The following PLEKHB1 variants were observed in gnomAD, a reference collection of about 807,000 sequenced individuals.
PLEKHB1 encodes pleckstrin homology domain-containing family B member 1.
In PLEKHB1, 29 loss-of-function variants were observed where a neutral mutation model predicts 36.2. The observed-to-expected ratio is 0.80, with a 90% CI of 0.60 to 1.09. The LOEUF is 1.09. Among genes scored for constraint, PLEKHB1 ranks in the 50% least tolerant of loss-of-function variants. The pLI is 0.00. For synonymous variants in PLEKHB1, 138 were observed against 140.0 expected, an observed-to-expected ratio of 0.99 and a Z score of 0.10; for missense variants, 330 against 348.2, an observed-to-expected ratio of 0.95 and a Z score of 0.42.
chr11:73,661,359 G>A lies in PLEKHB1; in HGVS notation c.596-107G>A, dbSNP rs1945113359. 3.6e-5 allele frequency: 46 copies of A among 1,278,046 alleles called. 2 individuals are homozygous for A. In the Middle Eastern group the frequency reaches 2.4e-3, roughly 67 times the overall value. 79.2% of individuals were successfully genotyped at this position (1,278,046 alleles called of 1,614,324 possible). A position where few individuals can be genotyped will look rare whatever the true frequency, so the allele number is the denominator to read the frequency against. ...TCTTTGACTGGGGAGCAGGAGAGTG[G>A]GTTCGGCGCCTTACACTGGGTTGGG... is the stretch of plus-strand genomic sequence containing the variant. On this transcript the variant is annotated intron_variant, in intron 7 of 7. Coordinates refer to ENST00000354190, the MANE Select transcript of PLEKHB1 (RefSeq NM_021200.3). This position sits in a 1 kb window ranked among gnomAD's most constrained non-coding sequence, Gnocchi z 4.6.
intron 6 of PLEKHB1, among the ~76,000 whole-genome samples, chr11:73,659,651 A>C (rs1198150520): frequency 6.6e-6 from 1 of 152,130 alleles, no homozygotes; most frequent in African/African-American, 2.4e-5. Flanking sequence ...GGAAAAAAAA[A>C]ATTCTTCCTG....
At position 73,661,880 on chromosome 11, in the gene PLEKHB1, C is replaced by T. The variant is rs1945132616; in HGVS notation, c.*278C>T. ...TTTATGGATACATTTCCTCTAAACA[C>T]AACAGGGCACAGCAAATACGACTTC... On this transcript the variant is annotated 3_prime_UTR_variant, in exon 8 of 8. Coordinates refer to ENST00000354190, the MANE Select transcript of PLEKHB1 (RefSeq NM_021200.3). The surrounding 1 kb of genome is among the most constrained non-coding windows in gnomAD (Gnocchi z 4.6). 2 of 411,306 alleles carry T rather than the reference C, an allele frequency of 4.9e-6. No individual in the cohort carries two copies. Among genetic ancestry groups the T allele is most frequent in the East Asian group, 7.9e-5 (2 of 25,294 alleles). The allele number at this position is 411,306 out of a possible 1,614,324, so 25.5% of individuals were successfully genotyped here. A position where few individuals can be genotyped will look rare whatever the true frequency, so the allele number is the denominator to read the frequency against.
chr11:73,659,908 C>T (rs528891908), intron 6 of PLEKHB1, among the ~76,000 whole-genome samples: 39 of 152,228 alleles, frequency 2.6e-4, no homozygotes, highest in South Asian at 1.2e-3. Context: ...GCTCAATAAT[C>T]GTTACAGCCT....
chr11:73,651,353 C>CAAA (rs35147175), intron 3 of PLEKHB1: 68 of 360,172 alleles, frequency 1.9e-4, no homozygotes, highest in South Asian at 3.7e-4. Flanking sequence ...GACCCTGTCT[C>CAAA]AAAAAAAAAA....
At chr11:73,657,843 G>T (rs893206685) in intron 6 of PLEKHB1, among the ~76,000 whole-genome samples, 2 of 152,168 alleles carry the variant, frequency 1.3e-5, no homozygotes, top group African/African-American at 4.8e-5. Flanking sequence ...TGATGGGGAG[G>T]GAGCACCGTA....
chr11:73,648,100 A>T, intron 1 of PLEKHB1: 1 of 489,926 alleles, frequency 2.0e-6, no homozygotes, highest in African/African-American at 2.2e-5. Context: ...GAGGGAGTAG[A>T]ATGTGCGGTG....
intron 2 of PLEKHB1, among the ~76,000 whole-genome samples, chr11:73,649,476 C>T (rs949419271): frequency 6.6e-6 from 1 of 152,152 alleles, no homozygotes; most frequent in African/African-American, 2.4e-5. Context: ...CCCCAGTCTG[C>T]GAACTCCTCA....
rs776921144 is a variant in PLEKHB1, at chr11:73,653,014, G to A, written c.390G>A (p.Pro130=). ...KTALLEANST[P]APAGATVPPR... is the part of the protein sequence containing the mutation. ...CACTGCTGGAGGCAAACTCCACCCCGGTGAGTCTCCCGTTCTCTCCCCCTT... is the reference window on the plus strand; with the variant it reads ...CACTGCTGGAGGCAAACTCCACCCCAGTGAGTCTCCCGTTCTCTCCCCCTT... The change falls in exon 5 of 8, where the codon CCG becomes CCA. Residue 130 remains proline, a splice_region_variant and synonymous_variant. Coordinates refer to ENST00000354190, the MANE Select transcript of PLEKHB1 (RefSeq NM_021200.3). 8 of 1,608,870 alleles carry A rather than the reference G, an allele frequency of 5.0e-6. No homozygotes were observed. Among genetic ancestry groups the A allele is most frequent in the East Asian group, 4.5e-5 (2 of 44,704 alleles).
At chr11:73,654,237 G>T (rs554672398) in intron 5 of PLEKHB1, among the ~76,000 whole-genome samples, 3 of 152,166 alleles carry the variant, frequency 2.0e-5, no homozygotes, top group Admixed American at 6.5e-5. Flanking sequence ...TGGAAGTGGC[G>T]GTTTGAAGAG....
intron 5 of PLEKHB1, among the ~76,000 whole-genome samples, chr11:73,653,676 C>G (rs7924720): frequency 0.69 from 104,211 of 152,002 alleles, 36,343 homozygotes; most frequent in Middle Eastern, 0.78. Context: ...GTGTGGGGAT[C>G]GGGTAAAGGG....
intron 5 of PLEKHB1, among the ~76,000 whole-genome samples, chr11:73,653,726 T>G (rs1237027589): frequency 6.6e-6 from 1 of 152,040 alleles, no homozygotes; most frequent in Non-Finnish European, 1.5e-5. Flanking sequence ...GTGCCAAGGC[T>G]CTGAGAGAGG....
chr11:73,656,087 G>C (rs953669800), intron 6 of PLEKHB1, among the ~76,000 whole-genome samples, 180 bp downstream of exon 6: 1 of 152,104 alleles, frequency 6.6e-6, no homozygotes, highest in African/African-American at 2.4e-5. Context: ...TTTTCCCTCT[G>C]CCAGCCTTCG....
chr11:73,661,690 T>C lies in PLEKHB1; in HGVS notation c.*88T>C. On this transcript the variant is annotated 3_prime_UTR_variant, in exon 8 of 8. Coordinates refer to ENST00000354190, the MANE Select transcript of PLEKHB1 (RefSeq NM_021200.3). This position sits in a 1 kb window ranked among gnomAD's most constrained non-coding sequence, Gnocchi z 4.6. Reference sequence around the variant, plus strand: ...CCCATCCTCTACCATCCAAGCCCTGTCCCACTTTGGCCCTATCCTCTCCAT... The same window carrying C: ...CCCATCCTCTACCATCCAAGCCCTGCCCCACTTTGGCCCTATCCTCTCCAT... The C allele has an allele frequency of 1.4e-6, 2 of 1,479,362 alleles. No homozygotes were observed. The highest frequency in any genetic ancestry group is 1.3e-5 in the South Asian group (1 of 74,988). The allele number at this position is 1,479,362 out of a possible 1,614,324, so 91.6% of individuals were successfully genotyped here.
chr11:73,653,529 C>CTAATTAATTATTCCATTTCAAT (rs1944939221), intron 5 of PLEKHB1: 11 of 448,766 alleles, frequency 2.5e-5, no homozygotes, highest in South Asian at 1.6e-4. Flanking sequence ...CATGGAACAA[C>CTAATTAATTATTCCATTTCAAT]TAATTAATTA....
chr11:73,657,420 C>T (rs1297072360), intron 6 of PLEKHB1, among the ~76,000 whole-genome samples: 2 of 152,190 alleles, frequency 1.3e-5, no homozygotes, highest in Non-Finnish European at 2.9e-5. Flanking sequence ...AATAACACAA[C>T]AGCTCAGCTA....
chr11:73,660,611 G>A (rs1435051282), intron 6 of PLEKHB1, 142 bp from the exon 7 acceptor site: 1 of 733,080 alleles, frequency 1.4e-6, no homozygotes, highest in East Asian at 2.7e-5. Context: ...TTCTCCAAGA[G>A]CTTGCTAGTG....
chr11:73,653,480 G>T, intron 5 of PLEKHB1: 1 of 461,428 alleles, frequency 2.2e-6, no homozygotes, highest in African/African-American at 2.0e-5. Flanking sequence ...AGGAGATATG[G>T]GCTCTGCCCA....
Position 73,661,476 on chromosome 11 carries a change from G to A in PLEKHB1, c.606G>A (p.Val202=), listed in dbSNP as rs774070938. 8.7e-6 allele frequency: 14 copies of A among 1,613,730 alleles called. No homozygotes were observed. The South Asian group carries it at 1.4e-4, about 16-fold the overall frequency. Residue 202 remains valine, a synonymous_variant, in exon 8 of 8, where the codon GTG becomes GTA. Transcript: ENST00000354190. The surrounding 1 kb of genome is among the most constrained non-coding windows in gnomAD (Gnocchi z 4.6). ...YYGPPYAGPG[V]THVIVREDPC... is the part of the protein sequence containing the mutation. ...TGTCTCCCTCTGCAGGCCCTGGCGT[G>A]ACGCACGTGATAGTGCGGGAGGATC...
Position 73,661,748 on chromosome 11 carries a change from C to A in PLEKHB1, c.*146C>A. ...TTCCGGGTTTGGACCATTCCCCCCA[C>A]TCCCTACCCTTAATCCCCACATGGG... On this transcript the variant is annotated 3_prime_UTR_variant, in exon 8 of 8. Transcript: ENST00000354190. This position sits in a 1 kb window ranked among gnomAD's most constrained non-coding sequence, Gnocchi z 4.6. 6 of 979,870 alleles carry A rather than the reference C, an allele frequency of 6.1e-6. No homozygotes were observed. Among genetic ancestry groups the A allele is most frequent in the Non-Finnish European group, 5.9e-6 (4 of 681,556 alleles). 60.7% of individuals were successfully genotyped at this position (979,870 alleles called of 1,614,324 possible). A position where few individuals can be genotyped will look rare whatever the true frequency, so the allele number is the denominator to read the frequency against.
Sources: allele counts gnomAD v4.1 joint callset (sites outside exome capture counted in the v4.1 genomes callset), GRCh38; gene constraint gnomAD v4.1.1; non-coding constraint Gnocchi (gnomAD v3.1); transcripts MANE v1.5; gene names NCBI Gene and HGNC (gene_info 2026-07-23, HGNC 2026-07-21).